The following MEF2A variants were observed in gnomAD, a reference collection of about 807,000 sequenced individuals.
The protein encoded by MEF2A is myocyte enhancer factor 2A.
Under a neutral mutation model 55.8 loss-of-function variants are expected in MEF2A, and 28 were observed. The ratio of observed to expected loss-of-function variants is 0.50; its 90% CI spans 0.37 to 0.69. MEF2A has a LOEUF of 0.69. MEF2A is among the 30% of genes least tolerant of loss of function. The pLI is 0.00. For synonymous variants in MEF2A, 239 were observed against 227.1 expected (o/e 1.05, Z -0.47); for missense variants, 528 against 626.2 (o/e 0.84, Z 1.67).
At chr15:99,609,707 AAGAAAAATTATCTTATATTAAAAGTAATT>A (rs1291841268) in intron 2 of MEF2A, among the ~76,000 whole-genome samples, 1 of 152,208 alleles carries the variant, frequency 6.6e-6, no homozygotes, top group Non-Finnish European at 1.5e-5. Flanking sequence ...AGTGGGAACA[AAGAAAAATTATCTTATATTAAAAGTAATT>A]AGAAAATAAT....
rs527302402 is a variant in MEF2A, at chr15:99,699,374, G to A, written c.859-3988G>A. 8.5e-5 allele frequency among the ~76,000 whole-genome samples: 13 copies of A among 152,346 alleles called. 1 individual carries two copies. Among genetic ancestry groups the A allele is most frequent in the Middle Eastern group, 3.4e-3 (1 of 294 alleles). On this transcript the variant is annotated intron_variant, in intron 8 of 11. Transcript: ENST00000557942. ...CATTCTGGAAAATGCAAAACTCACT[G>A]GCTGCCATGGGTTGGGAGTGGAGAG...
At position 99,712,521 on chromosome 15, in the gene MEF2A, AGCAGCAGCAGCAGCAGCC is replaced by A. The variant is rs920174267; in HGVS notation, c.1271_1288del (p.Gln424_Pro429del). On this transcript the variant is annotated inframe_deletion, in exon 12 of 12. Transcript: ENST00000557942. This position sits in a 1 kb window ranked among gnomAD's most constrained non-coding sequence, Gnocchi z 4.1. ...TCGGGCTTCCAGCAGCAGCAGCAGC[AGCAGCAGCAGCAGCAGCC>A]GCCGCCACCACCGCAGCCCCAGCCA... is the stretch of plus-strand genomic sequence containing the variant. 3.0e-5 allele frequency: 46 copies of A among 1,537,778 alleles called. No homozygotes were observed. The African/African-American group carries it at 3.1e-4, about 10-fold the overall frequency.
intron 2 of MEF2A, among the ~76,000 whole-genome samples, chr15:99,600,847 T>C (rs938345827): frequency 1.3e-5 from 2 of 152,206 alleles, no homozygotes; most frequent in African/African-American, 4.8e-5. Flanking sequence ...AAGTTTGTTC[T>C]TCTGTTTCAA....
intron 4 of MEF2A, among the ~76,000 whole-genome samples, chr15:99,667,245 A>G (rs1252655435): frequency 1.3e-5 from 2 of 150,708 alleles, no homozygotes; most frequent in Non-Finnish European, 2.9e-5. Context: ...TATTTGAGAC[A>G]GAGTCTTGCT....
rs778791945 is a variant in MEF2A, at chr15:99,712,539, C to T, written c.1286C>T (p.Pro429Leu). ...CAGCAGCAGCAGCAGCAGCAGCAGCCGCCGCCACCACCGCAGCCCCAGCCA... is the reference window on the plus strand; with the variant it reads ...CAGCAGCAGCAGCAGCAGCAGCAGCTGCCGCCACCACCGCAGCCCCAGCCA... ...QQQQQQQQQQ[P>L]PPPPQPQPQP... The change falls in exon 12 of 12, where the codon CCG (proline) becomes CTG (leucine). Residue 429 changes from proline to leucine, a missense_variant. Physicochemically the swap from Pro to Leu is moderately conservative, Grantham distance 98. Coordinates refer to ENST00000557942, the MANE Select transcript of MEF2A (RefSeq NM_001319206.4). This position sits in a 1 kb window ranked among gnomAD's most constrained non-coding sequence, Gnocchi z 4.1. 29 of 1,518,106 alleles carry T rather than the reference C, an allele frequency of 1.9e-5. No homozygotes were observed. Among genetic ancestry groups the T allele is most frequent in the South Asian group, 1.2e-4 (10 of 82,932 alleles). The allele number at this position is 1,518,106 out of a possible 1,614,324, so 94.0% of individuals were successfully genotyped here.
chr15:99,658,938 C>T (rs1310141097), intron 4 of MEF2A, among the ~76,000 whole-genome samples: 1 of 152,086 alleles, frequency 6.6e-6, no homozygotes, highest in Admixed American at 6.6e-5. Flanking sequence ...ATGATCTCTA[C>T]AGTCTTCATG....
intron 5 of MEF2A, among the ~76,000 whole-genome samples, chr15:99,671,834 A>T (rs1485814296): frequency 6.6e-6 from 1 of 152,248 alleles, no homozygotes; most frequent in Non-Finnish European, 1.5e-5. Flanking sequence ...ATACATGTTC[A>T]GTATCTTAAA....
chr15:99,625,056 T>C (rs1263096679), intron 2 of MEF2A, among the ~76,000 whole-genome samples: 1 of 152,192 alleles, frequency 6.6e-6, no homozygotes. Flanking sequence ...AATGTAAGTG[T>C]TCTGAGCACG....
chr15:99,621,277 C>G (rs1001922123), intron 2 of MEF2A, among the ~76,000 whole-genome samples: 1 of 152,196 alleles, frequency 6.6e-6, no homozygotes, highest in African/African-American at 2.4e-5. Flanking sequence ...ATTGTAGGGA[C>G]AGGCCACCTC....
At chr15:99,699,622 T>C (rs1398719206) in intron 8 of MEF2A, among the ~76,000 whole-genome samples, 1 of 152,148 alleles carries the variant, frequency 6.6e-6, no homozygotes, top group Non-Finnish European at 1.5e-5. Context: ...TACAGATAAG[T>C]AACATGATAT....
At chr15:99,681,038 A>G (rs2053154409) in intron 7 of MEF2A, among the ~76,000 whole-genome samples, 1 of 152,178 alleles carries the variant, frequency 6.6e-6, no homozygotes, top group South Asian at 2.1e-4. Context: ...GGAGTTTAAT[A>G]CTGGGTTTAT....
rs2059020568 is a variant in MEF2A, at chr15:99,714,970, G to C, written c.*2199G>C. ...GGAGGTTCTGTTCTCATGGCAGTTT[G>C]GGCAGTAACTTTTGAGAGAGGCCAA... is the stretch of plus-strand genomic sequence containing the variant. On this transcript the variant is annotated 3_prime_UTR_variant, in exon 12 of 12. Transcript: ENST00000557942. 1 of 152,046 alleles carries C rather than the reference G, an allele frequency of 6.6e-6. No individual in the cohort carries two copies. The highest frequency in any genetic ancestry group is 1.5e-5 in the Non-Finnish European group (1 of 68,048). The allele number at this position is 152,046 out of a possible 1,614,324, so 9.4% of individuals were successfully genotyped here. A position where few individuals can be genotyped will look rare whatever the true frequency, so the allele number is the denominator to read the frequency against.
At chr15:99,634,627 C>T (rs954602651) in intron 3 of MEF2A, among the ~76,000 whole-genome samples, 1 of 152,182 alleles carries the variant, frequency 6.6e-6, no homozygotes, top group African/African-American at 2.4e-5. Flanking sequence ...TAAACTGGAC[C>T]TACCTATGGA....
intron 10 of MEF2A, among the ~76,000 whole-genome samples, chr15:99,710,095 T>G (rs1451449415): frequency 6.6e-6 from 1 of 152,192 alleles, no homozygotes; most frequent in African/African-American, 2.4e-5. Flanking sequence ...TACAGAACAC[T>G]CTTTAATGAT....
chr15:99,657,947 A>T (rs934097053), intron 4 of MEF2A, among the ~76,000 whole-genome samples: 16 of 152,176 alleles, frequency 1.1e-4, no homozygotes, highest in African/African-American at 3.9e-4. Flanking sequence ...TGCCCTGTTA[A>T]CTGGGGGAAG....
At chr15:99,689,892 C>CTT (rs1345208417) in intron 7 of MEF2A, among the ~76,000 whole-genome samples, 2 of 152,156 alleles carry the variant, frequency 1.3e-5, no homozygotes, top group Non-Finnish European at 2.9e-5. Context: ...TCTTCCTTTG[C>CTT]TTATTTTTAA....
intron 2 of MEF2A, among the ~76,000 whole-genome samples, chr15:99,631,795 G>A (rs1010023927): frequency 2.0e-5 from 3 of 152,062 alleles, no homozygotes; most frequent in Non-Finnish European, 4.4e-5. Context: ...AATAATGAGG[G>A]AAGATAAATA....
chr15:99,572,789 T>C (rs1962872699), intron 1 of MEF2A, among the ~76,000 whole-genome samples: 1 of 152,242 alleles, frequency 6.6e-6, no homozygotes, highest in African/African-American at 2.4e-5. Flanking sequence ...CTAAAGCCCA[T>C]GATACATGCA....
intron 2 of MEF2A, among the ~76,000 whole-genome samples, chr15:99,612,802 C>T (rs546100569): frequency 2.0e-5 from 3 of 152,236 alleles, no homozygotes; most frequent in Non-Finnish European, 2.9e-5. Flanking sequence ...AATAGTTACA[C>T]CTGTCTCAGG....
Sources: allele counts gnomAD v4.1 joint callset (sites outside exome capture counted in the v4.1 genomes callset), GRCh38; gene constraint gnomAD v4.1.1; non-coding constraint Gnocchi (gnomAD v3.1); transcripts MANE v1.5; gene names NCBI Gene and HGNC (gene_info 2026-07-23, HGNC 2026-07-21).